Variants in PTPRD observed in about 807,000 individuals in gnomAD.
PTPRD encodes the protein protein tyrosine phosphatase receptor type D.
A neutral mutation model predicts 214.5 loss-of-function variants in PTPRD; 34 were observed. The observed-to-expected ratio is 0.16, with a 90% CI of 0.12 to 0.21. The LOEUF is 0.21. Ranked by LOEUF, PTPRD falls within the 10% of genes least tolerant of loss-of-function variation. The pLI is 1.00. For missense variants in PTPRD, 2,545 were observed against 2,398.7 expected, an observed-to-expected ratio of 1.06 and a Z score of -1.27; for synonymous variants, 1,128 against 845.7, an observed-to-expected ratio of 1.33 and a Z score of -5.79.
intron 2 of PTPRD, among the ~76,000 whole-genome samples, chr9:10,372,905 A>T (rs2097656649): frequency 6.6e-6 from 1 of 150,726 alleles, no homozygotes; most frequent in Non-Finnish European, 1.5e-5. Context: ...GTTGGAGTGC[A>T]GTGGTGCGAT....
chr9:10,117,325 T>C (rs765862270), intron 3 of PTPRD, among the ~76,000 whole-genome samples: 1 of 152,142 alleles, frequency 6.6e-6, no homozygotes, highest in Non-Finnish European at 1.5e-5. Flanking sequence ...TCCTTTAGCA[T>C]ACTTGTTAAC....
At chr9:8,459,886 T>C (rs1284137498) in intron 33 of PTPRD, among the ~76,000 whole-genome samples, 1 of 152,136 alleles carries the variant, frequency 6.6e-6, no homozygotes, top group African/African-American at 2.4e-5. Context: ...TCATTCTCCA[T>C]CCTTCTCTTT....
At chr9:10,362,340 T>A (rs1468432532) in intron 2 of PTPRD, among the ~76,000 whole-genome samples, 2 of 111,320 alleles carry the variant, frequency 1.8e-5, no homozygotes, top group Admixed American at 8.1e-5. Context: ...AGAGAAATTT[T>A]TTTTTTTTTT....
intron 8 of PTPRD, among the ~76,000 whole-genome samples, chr9:9,399,596 AT>A (rs1467427669): frequency 6.6e-6 from 1 of 152,034 alleles, no homozygotes; most frequent in Non-Finnish European, 1.5e-5. Flanking sequence ...AGCTCTCATA[AT>A]TCCCACATAT....
chr9:8,718,568 AC>A (rs1405655163), intron 12 of PTPRD, among the ~76,000 whole-genome samples: 1 of 152,186 alleles, frequency 6.6e-6, no homozygotes, highest in Non-Finnish European at 1.5e-5. Context: ...GAGAGTTTAC[AC>A]CATAGTTGAA....
At chr9:8,472,694 A>T (rs2096677984) in intron 30 of PTPRD, among the ~76,000 whole-genome samples, 1 of 150,810 alleles carries the variant, frequency 6.6e-6, no homozygotes, top group South Asian at 2.1e-4. Context: ...AATAATCTGG[A>T]TGTATTAGGT....
At chr9:9,987,867 T>C (rs966527547) in intron 4 of PTPRD, among the ~76,000 whole-genome samples, 1 of 152,188 alleles carries the variant, frequency 6.6e-6, no homozygotes, top group Non-Finnish European at 1.5e-5. Flanking sequence ...TTAAACTCTT[T>C]GTTTTTTTAC....
At position 9,881,373 on chromosome 9, in the gene PTPRD, G is replaced by A. The variant is rs944109728; in HGVS notation, c.-368+57134C>T. Among the ~76,000 whole-genome samples, 31 of 152,058 alleles carry A rather than the reference G, an allele frequency of 2.0e-4. 1 individual carries two copies. The highest frequency in any genetic ancestry group is 5.8e-4 in the African/African-American group (24 of 41,406). On this transcript the variant is annotated intron_variant, in intron 5 of 45. Transcript: ENST00000381196. Reference sequence around the variant, plus strand: ...TACTATTTTGCCTATCTCAAACTATGAGTAATTCCTACTTCCCCAGTTCTC... The same window carrying A: ...TACTATTTTGCCTATCTCAAACTATAAGTAATTCCTACTTCCCCAGTTCTC...
At chr9:10,523,824 G>C (rs2053369986) in intron 2 of PTPRD, among the ~76,000 whole-genome samples, 6 of 151,070 alleles carry the variant, frequency 4.0e-5, no homozygotes, top group Admixed American at 3.3e-4. Flanking sequence ...TTGATTTCAG[G>C]GGCCTAACTA....
intron 11 of PTPRD, among the ~76,000 whole-genome samples, chr9:8,857,185 G>A (rs2097935360): frequency 6.6e-6 from 1 of 152,092 alleles, no homozygotes. Context: ...CTAGTTCAGA[G>A]GAAAGAAAGA....
chr9:10,244,576 C>G (rs1168838774), intron 3 of PTPRD, among the ~76,000 whole-genome samples: 1 of 127,718 alleles, frequency 7.8e-6, no homozygotes, highest in Admixed American at 8.1e-5. Flanking sequence ...GAAAAAAATT[C>G]CTCTTGAATT....
chr9:8,450,367 C>G lies in PTPRD; in HGVS notation c.3876-530G>C, dbSNP rs140161840. Among the ~76,000 whole-genome samples the G allele has an allele frequency of 2.0e-3, 299 of 152,184 alleles. 3 individuals are homozygous for G. The highest frequency in any genetic ancestry group is 6.9e-3 in the African/African-American group (285 of 41,518). On this transcript the variant is annotated intron_variant, in intron 33 of 45. Transcript: ENST00000381196. ...TAAACACAAGTGCATTTTTAAGATGCCAAGTTATCCTAATGCCTAGGATAA... is the reference window on the plus strand; with the variant it reads ...TAAACACAAGTGCATTTTTAAGATGGCAAGTTATCCTAATGCCTAGGATAA...
intron 3 of PTPRD, among the ~76,000 whole-genome samples, chr9:10,139,143 A>G (rs1252185301): frequency 2.0e-5 from 3 of 152,132 alleles, no homozygotes; most frequent in African/African-American, 7.2e-5. Context: ...CTGGAAAACC[A>G]GGAAGATTCC....
At chr9:8,440,283 C>T (rs2095503104) in intron 34 of PTPRD, among the ~76,000 whole-genome samples, 1 of 151,440 alleles carries the variant, frequency 6.6e-6, no homozygotes, top group Admixed American at 6.6e-5. Context: ...ATGACCTCAT[C>T]AGTTAGAAGC....
intron 10 of PTPRD, among the ~76,000 whole-genome samples, chr9:9,043,955 AAAATG>A (rs2099658406): frequency 7.4e-6 from 1 of 135,120 alleles, no homozygotes. Flanking sequence ...AAAATAAAAT[AAAATG>A]AAAGTAAAAT....
At chr9:10,000,556 G>C (rs570072692) in intron 4 of PTPRD, among the ~76,000 whole-genome samples, 119 of 152,228 alleles carry the variant, frequency 7.8e-4, no homozygotes, top group African/African-American at 2.8e-3. Context: ...ACAACAGTTA[G>C]GTTTACTTCT....
chr9:9,481,934 T>C (rs1241300890), intron 8 of PTPRD, among the ~76,000 whole-genome samples: 4 of 152,190 alleles, frequency 2.6e-5, no homozygotes, highest in Non-Finnish European at 5.9e-5. Flanking sequence ...TAAAAATTAA[T>C]AAAATCAAAT....
At chr9:9,886,362 T>G (rs1471193733) in intron 5 of PTPRD, among the ~76,000 whole-genome samples, 1 of 152,146 alleles carries the variant, frequency 6.6e-6, no homozygotes, top group Non-Finnish European at 1.5e-5. Flanking sequence ...TGTAATGAAC[T>G]GCAAATAGCT....
intron 12 of PTPRD, among the ~76,000 whole-genome samples, chr9:8,667,453 A>T (rs2097193359): frequency 6.6e-6 from 1 of 152,174 alleles, no homozygotes; most frequent in South Asian, 2.1e-4. Flanking sequence ...TAAACCAAAA[A>T]TCTGAAATCC....
Sources: allele counts gnomAD v4.1 joint callset (sites outside exome capture counted in the v4.1 genomes callset), GRCh38; gene constraint gnomAD v4.1.1; transcripts MANE v1.5; gene names NCBI Gene and HGNC (gene_info 2026-07-23, HGNC 2026-07-21).